Variants in STKLD1 observed in about 807,000 individuals in gnomAD.
The protein encoded by STKLD1 is serine/threonine kinase-like domain-containing protein STKLD1.
In STKLD1, 79 loss-of-function variants were observed where a neutral mutation model predicts 80.4. The ratio of observed to expected loss-of-function variants is 0.98; its 90% CI spans 0.82 to 1.19. STKLD1 has a LOEUF of 1.19. Ranked by LOEUF, STKLD1 falls within the 50% of genes most tolerant of loss-of-function variation. The pLI is 0.00. For synonymous variants in STKLD1, 393 were observed against 357.6 expected, an observed-to-expected ratio of 1.10 and a Z score of -1.12; for missense variants, 841 against 856.0, an observed-to-expected ratio of 0.98 and a Z score of 0.22.
Position 133,384,169 on chromosome 9 carries a change from TGG to T in STKLD1, c.219+270_219+271del. 1 of 414,790 alleles carries T rather than the reference TGG, an allele frequency of 2.4e-6. No homozygotes were observed. Among genetic ancestry groups the T allele is most frequent in the Non-Finnish European group, 4.4e-6 (1 of 226,396 alleles). The allele number at this position is 414,790 out of a possible 1,614,324, so 25.7% of individuals were successfully genotyped here. A position where few individuals can be genotyped will look rare whatever the true frequency, so the allele number is the denominator to read the frequency against. On this transcript the variant is annotated intron_variant, in intron 3 of 17. Transcript: ENST00000371957. The surrounding 1 kb of genome is among the most constrained non-coding windows in gnomAD (Gnocchi z 4.3). ...AATTTAAATATTGGGCTGGGCACGG[TGG>T]CTCACATTTGTAATCCCACCACTTT...
chr9:133,384,114 A>G lies in STKLD1; in HGVS notation c.219+214A>G. On this transcript the variant is annotated intron_variant, in intron 3 of 17. Coordinates refer to ENST00000371957, the MANE Select transcript of STKLD1 (RefSeq NM_153710.5). The surrounding 1 kb of genome is among the most constrained non-coding windows in gnomAD (Gnocchi z 4.3). ...TCACTGCTAAATGCAGGTGCCGACA[A>G]CTTAGAACATATGTTCCCAGAGAAC... The G allele has an allele frequency of 1.7e-6, 1 of 572,282 alleles. No homozygotes were observed. The highest frequency in any genetic ancestry group is 3.1e-6 in the Non-Finnish European group (1 of 320,758). 35.5% of individuals were successfully genotyped at this position (572,282 alleles called of 1,614,324 possible).
intron 11 of STKLD1, among the ~76,000 whole-genome samples, chr9:133,398,622 T>TA (rs1291608742): frequency 1.3e-5 from 2 of 151,700 alleles, no homozygotes; most frequent in Admixed American, 6.6e-5. Context: ...CTACAAAAAA[T>TA]AAAAAAATTA....
At position 133,404,809 on chromosome 9, in the gene STKLD1, G is replaced by A. The variant is rs1554778382; in HGVS notation, c.1753G>A (p.Val585Met). ...KVSELAAFKVVVQEEGGSGLS... is the reference protein window; with the variant it reads ...KVSELAAFKVMVQEEGGSGLS... Reference sequence around the variant, plus strand: ...CCCAGAGCTGGCGGCCTTCAAGGTGGTGGTGCAGGAGGAGGGCGGCAGTGG... The same window carrying A: ...CCCAGAGCTGGCGGCCTTCAAGGTGATGGTGCAGGAGGAGGGCGGCAGTGG... The change falls in exon 17 of 18, where the codon GTG becomes ATG. Residue 585 changes from valine (V) to methionine (M), a missense_variant. By Grantham distance (21) the Val-to-Met change is conservative. Coordinates refer to ENST00000371957, the MANE Select transcript of STKLD1 (RefSeq NM_153710.5). 2 of 1,613,094 alleles carry A rather than the reference G, an allele frequency of 1.2e-6. No individual in the cohort carries two copies. The highest frequency in any genetic ancestry group is 1.1e-5 in the South Asian group (1 of 91,062).
rs1391709559 is a variant in STKLD1, at chr9:133,385,214, G to A, written c.220-403G>A. Among the ~76,000 whole-genome samples, 2 of 152,126 alleles carry A rather than the reference G, an allele frequency of 1.3e-5. No homozygotes were observed. Among genetic ancestry groups the A allele is most frequent in the East Asian group, 3.8e-4 (2 of 5,196 alleles). ...TTGGGCATGTTTCAAAGCACTTTCC[G>A]CCAGGGCAGGGGCACCGGGACCTCT... On this transcript the variant is annotated intron_variant, in intron 3 of 17. Transcript: ENST00000371957. This position sits in a 1 kb window ranked among gnomAD's most constrained non-coding sequence, Gnocchi z 4.9.
In STKLD1 at chr9:133,404,636, T is replaced by C. The variant is rs587720448; in HGVS notation, c.1733-153T>C. ...TCCTGTTCAGGTCATGCCAGCCTAC[T>C]GGTCCGCCCAAGCTGATGGGGCCTC... On this transcript the variant is annotated intron_variant, in intron 16 of 17. Transcript: ENST00000371957. Among the ~76,000 whole-genome samples, 6 of 152,352 alleles carry C rather than the reference T, an allele frequency of 3.9e-5. No homozygotes were observed. The South Asian group carries it at 1.2e-3, about 32-fold the overall frequency.
chr9:133,378,714 T>C (rs1470114972), intron 1 of STKLD1, among the ~76,000 whole-genome samples: 3 of 152,210 alleles, frequency 2.0e-5, no homozygotes, highest in Non-Finnish European at 2.9e-5. Flanking sequence ...CACAGAGGTC[T>C]ATAGAGAGTG....
chr9:133,404,988 C>A, intron 17 of STKLD1, 59 bp downstream of exon 17: 1 of 1,579,444 alleles, frequency 6.3e-7, no homozygotes, highest in Admixed American at 2.0e-5. Flanking sequence ...GTGCCCCGCT[C>A]CCCCTATAAC....
In STKLD1 at chr9:133,385,775, C is replaced by A. The variant is rs1838251465; in HGVS notation, c.294+84C>A. On this transcript the variant is annotated intron_variant, in intron 4 of 17. Coordinates refer to ENST00000371957, the MANE Select transcript of STKLD1 (RefSeq NM_153710.5). The surrounding 1 kb of genome is among the most constrained non-coding windows in gnomAD (Gnocchi z 4.9). ...CAGACTGAGCCCAGAGCACGCCCAC[C>A]CCCCACTGTCAGAATAGCTCGTGTG... The A allele has an allele frequency of 7.8e-7, 1 of 1,274,386 alleles. No individual in the cohort carries two copies. 78.9% of individuals were successfully genotyped at this position (1,274,386 alleles called of 1,614,324 possible). A position where few individuals can be genotyped will look rare whatever the true frequency, so the allele number is the denominator to read the frequency against.
At chr9:133,398,094 T>G (rs975636407) in intron 11 of STKLD1, 39 bp downstream of exon 11, 5 of 1,587,856 alleles carry the variant, frequency 3.1e-6, no homozygotes, top group Non-Finnish European at 3.5e-6. Flanking sequence ...GCTGCTCCCC[T>G]AGGGGCAGAA....
chr9:133,391,077 A>G (rs1838379572), intron 7 of STKLD1, among the ~76,000 whole-genome samples: 1 of 152,190 alleles, frequency 6.6e-6, no homozygotes, highest in Non-Finnish European at 1.5e-5. Context: ...GTTGCCTCTC[A>G]TGGAGGGAAA....
chr9:133,385,556 C>T lies in STKLD1; in HGVS notation c.220-61C>T, dbSNP rs1044518049. On this transcript the variant is annotated intron_variant, in intron 3 of 17. Transcript: ENST00000371957. This position sits in a 1 kb window ranked among gnomAD's most constrained non-coding sequence, Gnocchi z 4.9. ...TGTTGGGATGTGTGACAGAGAAGCC[C>T]GAGCTGAGAAAGGCGTGGAGAGGCA... The T allele has an allele frequency of 6.5e-5, 99 of 1,534,190 alleles. No individual in the cohort carries two copies. Among genetic ancestry groups the T allele is most frequent in the Admixed American group, 1.5e-4 (9 of 59,346 alleles).
At chr9:133,403,113 C>A in intron 14 of STKLD1, 101 bp downstream of exon 14, 9 of 1,222,864 alleles carry the variant, frequency 7.4e-6, no homozygotes, top group Non-Finnish European at 9.9e-6. Flanking sequence ...ATGTCCTGTC[C>A]CTAAAACACA....
chr9:133,385,509 C>T lies in STKLD1; in HGVS notation c.220-108C>T. The T allele has an allele frequency of 1.7e-6, 2 of 1,184,384 alleles. No individual in the cohort carries two copies. Among genetic ancestry groups the T allele is most frequent in the Admixed American group, 1.9e-5 (1 of 53,946 alleles). The allele number at this position is 1,184,384 out of a possible 1,614,324, so 73.4% of individuals were successfully genotyped here. A position where few individuals can be genotyped will look rare whatever the true frequency, so the allele number is the denominator to read the frequency against. ...CCTGAGCCCACTCCCTGGCCCAGCT[C>T]AGAGCCCGAGGCTTGCATGTTTGTT... On this transcript the variant is annotated intron_variant, in intron 3 of 17. Transcript: ENST00000371957. This position sits in a 1 kb window ranked among gnomAD's most constrained non-coding sequence, Gnocchi z 4.9.
At position 133,376,921 on chromosome 9, in the gene STKLD1, C is replaced by T. The variant is rs188409022; in HGVS notation, c.87+361C>T. 1.7e-3 allele frequency among the ~76,000 whole-genome samples: 263 copies of T among 152,224 alleles called. 1 individual carries two copies. The highest frequency in any genetic ancestry group is 2.3e-3 in the Non-Finnish European group (158 of 68,016). On this transcript the variant is annotated intron_variant, in intron 1 of 17. Transcript: ENST00000371957. ...GGAGCCCCCAGTCCCCTAAAAACACCCCTGCAGCGTGGGTCTGTGAAAATG... is the reference window on the plus strand; with the variant it reads ...GGAGCCCCCAGTCCCCTAAAAACACTCCTGCAGCGTGGGTCTGTGAAAATG...
At position 133,390,250 on chromosome 9, in the gene STKLD1, C is replaced by CA. The variant is rs1326265111; in HGVS notation, c.468-430dup. Among the ~76,000 whole-genome samples, 7 of 123,318 alleles carry CA rather than the reference C, an allele frequency of 5.7e-5. 1 individual carries two copies. Among genetic ancestry groups the CA allele is most frequent in the African/African-American group, 2.8e-4 (7 of 24,754 alleles). The allele number at this position is 123,318 out of a possible 152,430, so 80.9% of individuals were successfully genotyped here. ...ACACACACACACACACACACACACA[C>CA]ACCACGCAGACCATACGTACAAAGG... On this transcript the variant is annotated intron_variant, in intron 6 of 17. Transcript: ENST00000371957. This position sits in a 1 kb window ranked among gnomAD's most constrained non-coding sequence, Gnocchi z 5.1.
chr9:133,402,217 T>C (rs1028573689), intron 13 of STKLD1, among the ~76,000 whole-genome samples: 1 of 152,084 alleles, frequency 6.6e-6, no homozygotes, highest in South Asian at 2.1e-4. Context: ...CTCCATTCCA[T>C]AGGGCCCAGT....
At chr9:133,379,388 C>G (rs2130260861) in intron 2 of STKLD1, among the ~76,000 whole-genome samples, 7 of 152,246 alleles carry the variant, frequency 4.6e-5, no homozygotes, top group African/African-American at 7.2e-5. Flanking sequence ...GGCACTGACT[C>G]ACTTCATCTC....
At chr9:133,399,897 G>C (rs994783019) in intron 11 of STKLD1, among the ~76,000 whole-genome samples, 5 of 149,876 alleles carry the variant, frequency 3.3e-5, no homozygotes, top group African/African-American at 7.4e-5. Flanking sequence ...AAAAAAAAGA[G>C]GGGGGGGTCT....
chr9:133,388,282 T>C (rs2119217687), intron 5 of STKLD1, among the ~76,000 whole-genome samples: 1 of 152,166 alleles, frequency 6.6e-6, no homozygotes, highest in East Asian at 1.9e-4. Context: ...GGAGTCTCAC[T>C]CTGTCGCCCA....
Sources: allele counts gnomAD v4.1 joint callset (sites outside exome capture counted in the v4.1 genomes callset), GRCh38; gene constraint gnomAD v4.1.1; non-coding constraint Gnocchi (gnomAD v3.1); transcripts MANE v1.5; gene names NCBI Gene and HGNC (gene_info 2026-07-23, HGNC 2026-07-21).